Variants in MB21D2 observed in about 807,000 individuals in gnomAD.
MB21D2 encodes the protein nucleotidyltransferase MB21D2.
MB21D2 carries 9 observed loss-of-function variants against 33.3 expected under a neutral mutation model. The ratio of observed to expected loss-of-function variants is 0.27; its 90% CI spans 0.16 to 0.47. The LOEUF (loss-of-function observed/expected upper bound fraction) is 0.47. MB21D2 is among the 20% of genes least tolerant of loss of function. The pLI, the probability that MB21D2 is intolerant of heterozygous loss-of-function variation, is 0.99. For synonymous variants in MB21D2, 241 were observed against 236.3 expected (o/e 1.02, Z -0.18); for missense variants, 540 against 624.6 (o/e 0.86, Z 1.44).
Position 192,834,437 on chromosome 3 carries a change from AAAG to A in MB21D2, c.212-34790_212-34788del, listed in dbSNP as rs1452264804. Reference sequence around the variant, plus strand: ...CAGTTATATCAAAAAAAAAAAAAAAAAAGAAGAAGAAAGAAAAAAGACAAAAAT... The same window carrying A: ...CAGTTATATCAAAAAAAAAAAAAAAAAAGAAGAAAGAAAAAAGACAAAAAT... On this transcript the variant is annotated intron_variant, in intron 1 of 1. Coordinates refer to ENST00000392452, the MANE Select transcript of MB21D2 (RefSeq NM_178496.4). Among the ~76,000 whole-genome samples, 7 of 149,902 alleles carry A rather than the reference AAAG, an allele frequency of 4.7e-5. No individual in the cohort carries two copies. The South Asian group carries it at 8.4e-4, about 18-fold the overall frequency.
intron 1 of MB21D2, 113 bp downstream of exon 1, chr3:192,917,517 G>A (rs1714495476): frequency 3.6e-6 from 4 of 1,100,238 alleles, no homozygotes; most frequent in African/African-American, 1.5e-5. Context: ...CCAAGGCACC[G>A]GCTCGGGAAG....
At chr3:192,846,333 C>T (rs1302972887) in intron 1 of MB21D2, among the ~76,000 whole-genome samples, 1 of 152,058 alleles carries the variant, frequency 6.6e-6, no homozygotes, top group Non-Finnish European at 1.5e-5. Context: ...TTAGAGAGTG[C>T]TTACTATAGG....
chr3:192,824,051 A>C (rs1355312147), intron 1 of MB21D2, among the ~76,000 whole-genome samples: 1 of 152,192 alleles, frequency 6.6e-6, no homozygotes, highest in Non-Finnish European at 1.5e-5. Flanking sequence ...CACCAAGAGA[A>C]CACGGAACAG....
chr3:192,914,917 C>T (rs1329250181), intron 1 of MB21D2, among the ~76,000 whole-genome samples: 2 of 152,134 alleles, frequency 1.3e-5, no homozygotes, highest in Non-Finnish European at 2.9e-5. Flanking sequence ...TTCCTCCAAA[C>T]TAGACAAAAT....
In MB21D2 at chr3:192,798,858, A is replaced by C; in HGVS notation, c.1004T>G (p.Met335Arg). ...AAGTCTGTCGCAGGCCCAGAGCATC[A>C]TGCTCCGCAGGTGATAGGGGCTAAT... Reference protein sequence around the residue: ...KAISPYHLRSMMLWACDRLPA... With the variant: ...KAISPYHLRSRMLWACDRLPA... Residue 335 changes from methionine (M) to arginine (R), a missense_variant, in exon 2 of 2, where the codon ATG (methionine) becomes AGG (arginine). Transcript: ENST00000392452. The surrounding 1 kb of genome is among the most constrained non-coding windows in gnomAD (Gnocchi z 4.8). The C allele has an allele frequency of 2.5e-6, 4 of 1,612,826 alleles. No individual in the cohort carries two copies. The highest frequency in any genetic ancestry group is 3.4e-6 in the Non-Finnish European group (4 of 1,179,642).
intron 1 of MB21D2, among the ~76,000 whole-genome samples, chr3:192,848,587 G>T (rs984458070): frequency 2.0e-5 from 3 of 152,080 alleles, no homozygotes; most frequent in African/African-American, 7.2e-5. Context: ...CCACTATTTC[G>T]CAGACTAACA....
At chr3:192,826,679 T>A (rs759202687) in intron 1 of MB21D2, among the ~76,000 whole-genome samples, 9 of 152,232 alleles carry the variant, frequency 5.9e-5, no homozygotes, top group Non-Finnish European at 1.2e-4. Flanking sequence ...CAGACAAGTT[T>A]GAGATTACAG....
intron 1 of MB21D2, among the ~76,000 whole-genome samples, chr3:192,864,916 A>C (rs1560243207): frequency 6.6e-6 from 1 of 152,146 alleles, no homozygotes; most frequent in Non-Finnish European, 1.5e-5. Flanking sequence ...TCCTCCTCCT[A>C]CACTGCTTAT....
intron 1 of MB21D2, among the ~76,000 whole-genome samples, chr3:192,842,721 C>A (rs902201129): frequency 6.6e-6 from 1 of 152,182 alleles, no homozygotes; most frequent in African/African-American, 2.4e-5. Context: ...ATCAAGTCAT[C>A]CTATGTAACA....
intron 1 of MB21D2, among the ~76,000 whole-genome samples, chr3:192,898,325 G>C (rs1714022233): frequency 6.6e-6 from 1 of 151,720 alleles, no homozygotes; most frequent in South Asian, 2.1e-4. Context: ...AAGCAGCTGG[G>C]ACTACAGGTG....
intron 1 of MB21D2, among the ~76,000 whole-genome samples, chr3:192,900,927 C>A (rs1440738627): frequency 7.0e-6 from 1 of 141,866 alleles, no homozygotes; most frequent in Non-Finnish European, 1.5e-5. Context: ...GGTGACAGAG[C>A]GAGACTCTGT....
intron 1 of MB21D2, among the ~76,000 whole-genome samples, chr3:192,912,545 C>T (rs183575621): frequency 3.3e-4 from 50 of 152,028 alleles, no homozygotes; most frequent in Non-Finnish European, 6.0e-4. Flanking sequence ...TGGTAGCGGG[C>T]GCCTGTAATC....
chr3:192,873,623 T>A (rs942599012), intron 1 of MB21D2, among the ~76,000 whole-genome samples: 2 of 152,194 alleles, frequency 1.3e-5, no homozygotes, highest in Non-Finnish European at 2.9e-5. Context: ...TTATCCCTCC[T>A]CTACCACTCT....
At chr3:192,879,351 A>G (rs952055274) in intron 1 of MB21D2, among the ~76,000 whole-genome samples, 1 of 152,230 alleles carries the variant, frequency 6.6e-6, no homozygotes, top group Non-Finnish European at 1.5e-5. Flanking sequence ...TGAAGAGTGA[A>G]GGTCTCCAAG....
At chr3:192,842,676 A>C (rs1358934588) in intron 1 of MB21D2, among the ~76,000 whole-genome samples, 1 of 152,174 alleles carries the variant, frequency 6.6e-6, no homozygotes, top group Admixed American at 6.5e-5. Flanking sequence ...CTGAGGAGGA[A>C]AGGCCTGAAG....
chr3:192,913,563 C>T (rs1193915704), intron 1 of MB21D2, among the ~76,000 whole-genome samples: 1 of 151,414 alleles, frequency 6.6e-6, no homozygotes, highest in Non-Finnish European at 1.5e-5. Context: ...GTGGCTCATG[C>T]CTGTAATACC....
chr3:192,876,722 C>T (rs551312837), intron 1 of MB21D2, among the ~76,000 whole-genome samples: 3 of 152,274 alleles, frequency 2.0e-5, no homozygotes, highest in South Asian at 4.2e-4. Context: ...CCATGTTTTC[C>T]CTGGGTTCAT....
chr3:192,850,619 T>A (rs1201697572), intron 1 of MB21D2, among the ~76,000 whole-genome samples: 1 of 152,132 alleles, frequency 6.6e-6, no homozygotes, highest in Non-Finnish European at 1.5e-5. Flanking sequence ...TCTGAAAACC[T>A]TTGGCCTCAG....
chr3:192,844,866 T>A (rs1052652854), intron 1 of MB21D2, among the ~76,000 whole-genome samples: 3 of 152,206 alleles, frequency 2.0e-5, no homozygotes, highest in Non-Finnish European at 2.9e-5. Flanking sequence ...CCCCCTTTGA[T>A]GTGTAGGAGA....
Sources: allele counts gnomAD v4.1 joint callset (sites outside exome capture counted in the v4.1 genomes callset), GRCh38; gene constraint gnomAD v4.1.1; non-coding constraint Gnocchi (gnomAD v3.1); transcripts MANE v1.5; gene names NCBI Gene and HGNC (gene_info 2026-07-23, HGNC 2026-07-21).